ATG7: variants seen among roughly 807,000 people sequenced by gnomAD.
The protein encoded by ATG7 is autophagy related 7.
ATG7 carries 70 observed loss-of-function variants against 82.4 expected under a neutral mutation model. The ratio of observed to expected loss-of-function variants is 0.85; its 90% CI spans 0.70 to 1.04. ATG7 has a LOEUF of 1.04. ATG7 is among the 50% of genes least tolerant of loss of function. ATG7 has a pLI of 0.00. For synonymous variants in ATG7, 287 were observed against 313.0 expected (o/e 0.92, Z 0.88); for missense variants, 792 against 864.3 (o/e 0.92, Z 1.05).
intron 9 of ATG7, among the ~76,000 whole-genome samples, chr3:11,324,805 A>G (rs1267541447): frequency 6.6e-6 from 1 of 152,160 alleles, no homozygotes; most frequent in African/African-American, 2.4e-5. Context: ...CACATGATAA[A>G]GCCTAGACCC....
At chr3:11,576,232 G>A in the ATG7 span, among the ~76,000 whole-genome samples, 1 of 152,196 alleles carries the variant, frequency 6.6e-6, no homozygotes, top group Non-Finnish European at 1.5e-5. Flanking sequence ...TTCAGATGGG[G>A]CAGGAATCCA....
At chr3:11,326,937 G>A (rs1240067835) in intron 9 of ATG7, among the ~76,000 whole-genome samples, 1 of 152,186 alleles carries the variant, frequency 6.6e-6, no homozygotes, top group Non-Finnish European at 1.5e-5. Context: ...GTAATGTTGA[G>A]AAAGGAAAGA....
chr3:11,574,785 ATGTGTGTGTGTGTGTGTGTGTGTG>A, the ATG7 span, among the ~76,000 whole-genome samples: 82 of 121,780 alleles, frequency 6.7e-4, no homozygotes, highest in South Asian at 3.3e-3. Context: ...TCAACTATAT[ATGTGTGTGTGTGTGTGTGTGTGTG>A]TGTGTGTGTG....
At chr3:11,296,232 G>A (rs984965019) in intron 3 of ATG7, among the ~76,000 whole-genome samples, 5 of 151,876 alleles carry the variant, frequency 3.3e-5, no homozygotes, top group African/African-American at 1.2e-4. Flanking sequence ...GCTTATCTTT[G>A]CCCTGCTGTT....
chr3:11,335,374 T>C (rs1186104385), intron 11 of ATG7, among the ~76,000 whole-genome samples: 1 of 152,128 alleles, frequency 6.6e-6, no homozygotes, highest in African/African-American at 2.4e-5. Context: ...ACACTAATGA[T>C]AGCTGATGAG....
At chr3:11,534,585 G>C (rs2092755211) in intron 20 of ATG7, among the ~76,000 whole-genome samples, 1 of 152,248 alleles carries the variant, frequency 6.6e-6, no homozygotes, top group Admixed American at 6.5e-5. Context: ...GCCAGGCAGG[G>C]ACTGCATACT....
chr3:11,495,462 A>G (rs1440371303), intron 20 of ATG7, among the ~76,000 whole-genome samples: 1 of 150,044 alleles, frequency 6.7e-6, no homozygotes, highest in African/African-American at 2.5e-5. Flanking sequence ...AGAGACCCCC[A>G]GACATCTTGA....
At chr3:11,510,464 ATCCCAGT>A in intron 20 of ATG7, 1 of 266,284 alleles carries the variant, frequency 3.8e-6, no homozygotes, top group Non-Finnish European at 6.9e-6. Flanking sequence ...CCCCTCCCCC[ATCCCAGT>A]GATACAGATG....
At chr3:11,313,717 C>T (rs73125418) in intron 8 of ATG7, among the ~76,000 whole-genome samples, 3,851 of 152,320 alleles carry the variant, frequency 0.025, 172 homozygotes, top group African/African-American at 0.088. Context: ...ATCCTCTCAT[C>T]TCAGCCTCCT....
At chr3:11,300,695 G>C (rs1946648927) in intron 5 of ATG7, among the ~76,000 whole-genome samples, 1 of 152,176 alleles carries the variant, frequency 6.6e-6, no homozygotes, top group Non-Finnish European at 1.5e-5. Flanking sequence ...CTTTACGATG[G>C]TGAGAAAGCG....
At chr3:11,568,046 GC>G in the ATG7 span, among the ~76,000 whole-genome samples, 2 of 152,194 alleles carry the variant, frequency 1.3e-5, no homozygotes, top group African/African-American at 4.8e-5. This position sits in a 1 kb window ranked among gnomAD's most constrained non-coding sequence, Gnocchi z 5.9. Context: ...CAGGGTTACA[GC>G]CCTGCCTTCT....
At chr3:11,554,725 C>A in intron 20 of ATG7, 86 bp from the exon 21 acceptor site, 3 of 1,524,568 alleles carry the variant, frequency 2.0e-6, no homozygotes, top group South Asian at 2.4e-5. Flanking sequence ...TGGGAGCTGC[C>A]ATGACTGCTG....
At chr3:11,366,971 CTGTGTGTGTGTGTGTGTG>C (rs60183965) in intron 18 of ATG7, among the ~76,000 whole-genome samples, 6 of 139,792 alleles carry the variant, frequency 4.3e-5, no homozygotes, top group South Asian at 2.5e-4. Flanking sequence ...ATGGGAAAAG[CTGTGTGTGTGTGTGTGTG>C]TGTGTGTGTG....
rs1226850019 is a variant in ATG7, at chr3:11,488,197, G to C, written c.2079+61271G>C. The C allele has an allele frequency of 2.0e-5, 3 of 151,158 alleles. No homozygotes were observed. In the Admixed American group the frequency reaches 2.6e-4, roughly 13 times the overall value. 9.4% of individuals were successfully genotyped at this position (151,158 alleles called of 1,614,324 possible). On this transcript the variant is annotated intron_variant, in intron 20 of 20. Transcript: ENST00000693202. ...AGGCAGAGGGGCTCCTCACATCCCA[G>C]ACGATGGGCGGCCAGGCAGAGACAC...
chr3:11,412,738 A>G (rs1390834850), intron 19 of ATG7, among the ~76,000 whole-genome samples: 3 of 152,104 alleles, frequency 2.0e-5, no homozygotes, highest in Admixed American at 6.5e-5. Context: ...TTGGATTTGT[A>G]TAGAGATCAC....
intron 20 of ATG7, among the ~76,000 whole-genome samples, chr3:11,506,410 C>T (rs2091711470): frequency 6.6e-6 from 1 of 152,066 alleles, no homozygotes; most frequent in Non-Finnish European, 1.5e-5. Context: ...TTGGACAGCA[C>T]AGATAAAACA....
intron 20 of ATG7, among the ~76,000 whole-genome samples, chr3:11,490,070 AGTGGGG>A (rs1390908746): frequency 1.3e-5 from 2 of 152,088 alleles, no homozygotes; most frequent in East Asian, 3.9e-4. Flanking sequence ...TAATGTTGAC[AGTGGGG>A]TGTTAAAGTC....
intron 19 of ATG7, among the ~76,000 whole-genome samples, chr3:11,402,198 A>G (rs1441155841): frequency 6.6e-6 from 1 of 152,222 alleles, no homozygotes; most frequent in African/African-American, 2.4e-5. Flanking sequence ...TTGGGAGGCC[A>G]AGGCAGGCAG....
intron 9 of ATG7, among the ~76,000 whole-genome samples, chr3:11,317,661 C>T (rs896399211): frequency 2.7e-5 from 4 of 147,778 alleles, no homozygotes; most frequent in Non-Finnish European, 5.9e-5. Context: ...GGCACGATCT[C>T]GGCTCACTGC....
Sources: allele counts gnomAD v4.1 joint callset (sites outside exome capture counted in the v4.1 genomes callset), GRCh38; gene constraint gnomAD v4.1.1; non-coding constraint Gnocchi (gnomAD v3.1); transcripts MANE v1.5; gene names NCBI Gene and HGNC (gene_info 2026-07-23, HGNC 2026-07-21).